Variants in RBFOX3 observed in about 807,000 individuals in gnomAD.
RBFOX3 encodes RNA binding fox-1 homolog 3.
RBFOX3 carries 17 observed loss-of-function variants against 48.7 expected under a neutral mutation model. That is an observed-to-expected ratio of 0.35 (90% CI 0.24 to 0.52). RBFOX3 has a LOEUF of 0.52. RBFOX3 is among the 20% of genes least tolerant of loss of function. RBFOX3 has a pLI of 0.94. For missense variants in RBFOX3, 382 were observed against 497.5 expected, an observed-to-expected ratio of 0.77 and a Z score of 2.21; for synonymous variants, 212 against 209.5, an observed-to-expected ratio of 1.01 and a Z score of -0.10.
rs1179514737 is a variant in RBFOX3 at position 79,362,389 on chromosome 17, G to A, written c.-174-54565C>T. The stretch of plus-strand genomic sequence containing the variant: ...GAGGCTGAGTGCAGCGTCTTTCAGA[G>A]CCAAACAGAGCCCCAGCTCTGAGGC... On this transcript the variant is annotated intron_variant, in intron 2 of 14. Transcript: ENST00000693108. This position sits in a 1 kb window ranked among gnomAD's most constrained non-coding sequence, Gnocchi z 4.2. 6.6e-6 allele frequency among the ~76,000 whole-genome samples: 1 copy of A among 151,860 alleles called. No individual in the cohort carries two copies. Among genetic ancestry groups the A allele is most frequent in the Non-Finnish European group, 1.5e-5 (1 of 67,998 alleles).
intron 4 of RBFOX3, among the ~76,000 whole-genome samples, chr17:79,142,205 C>G (rs948285127): frequency 1.3e-5 from 2 of 152,126 alleles, no homozygotes; most frequent in Admixed American, 6.5e-5. Context: ...ACAAAACTCC[C>G]TGTGTGCCTT....
rs56370699 is a variant in RBFOX3, at chr17:79,430,269, CAAATAAATAAAT to C, written c.-175+52173_-175+52184del. ...GAGTGAACCTGTCTAAAACATCTTC[CAAATAAATAAAT>C]AAATAAATAAATAAATAAATAAATA... On this transcript the variant is annotated intron_variant, in intron 2 of 14. Coordinates refer to ENST00000693108, the MANE Select transcript of RBFOX3 (RefSeq NM_001350451.2). Among the ~76,000 whole-genome samples, 463 of 144,016 alleles carry C rather than the reference CAAATAAATAAAT, an allele frequency of 3.2e-3. 1 individual carries two copies. Among genetic ancestry groups the C allele is most frequent in the African/African-American group, 0.011 (437 of 39,108 alleles). 94.5% of individuals were successfully genotyped at this position (144,016 alleles called of 152,430 possible). A position where few individuals can be genotyped will look rare whatever the true frequency, so the allele number is the denominator to read the frequency against.
chr17:79,183,721 G>A (rs1017304024), intron 4 of RBFOX3, among the ~76,000 whole-genome samples: 4 of 150,706 alleles, frequency 2.7e-5, no homozygotes, highest in African/African-American at 9.7e-5. Flanking sequence ...GTGCGCGCGT[G>A]TGCGCGCGTG....
At chr17:79,164,746 G>A (rs1485829200) in intron 4 of RBFOX3, among the ~76,000 whole-genome samples, 2 of 152,190 alleles carry the variant, frequency 1.3e-5, no homozygotes, top group African/African-American at 2.4e-5. Flanking sequence ...CCTCACCCGC[G>A]TGGTGGCTGC....
At chr17:79,288,895 C>A (rs945873392) in intron 3 of RBFOX3, among the ~76,000 whole-genome samples, 5 of 152,144 alleles carry the variant, frequency 3.3e-5, no homozygotes, top group African/African-American at 1.2e-4. Context: ...ATGAAAAGCA[C>A]AAGTTCTGAA....
chr17:79,620,535 A>G, the RBFOX3 span, among the ~76,000 whole-genome samples: 3 of 149,518 alleles, frequency 2.0e-5, no homozygotes, highest in Non-Finnish European at 4.4e-5. Flanking sequence ...ATACGCGCAC[A>G]TGCACACACG....
In RBFOX3 at chr17:79,106,733, G is replaced by T. The variant is rs1339077239; in HGVS notation, c.278C>A (p.Thr93Lys). 1 of 1,515,044 alleles carries T rather than the reference G, an allele frequency of 6.6e-7. No individual in the cohort carries two copies. Among genetic ancestry groups the T allele is most frequent in the South Asian group, 1.3e-5 (1 of 78,704 alleles). The allele number at this position is 1,515,044 out of a possible 1,614,324, so 93.9% of individuals were successfully genotyped here. A position where few individuals can be genotyped will look rare whatever the true frequency, so the allele number is the denominator to read the frequency against. ...TAGCCGCTTGGGCTGCTGCTTCTCT[G>T]TAGGGTCGGAGGGGTGGAGCGGCTG... is the stretch of plus-strand genomic sequence containing the variant. ...DSQPLHPSDP[T>K]EKQQPKRLHV... Residue 93 changes from threonine (T) to lysine (K), a missense_variant, in exon 6 of 15, where the codon ACA (threonine) becomes AAA (lysine). Physicochemically the swap from Thr to Lys is moderately conservative, Grantham distance 78 (BLOSUM62 -1). Coordinates refer to ENST00000693108, the MANE Select transcript of RBFOX3 (RefSeq NM_001350451.2).
At chr17:79,112,920 T>TGGGGGGGGGG (rs1568152586) in intron 5 of RBFOX3, among the ~76,000 whole-genome samples, 4 of 29,520 alleles carry the variant, frequency 1.4e-4, no homozygotes, top group African/African-American at 2.9e-4. Flanking sequence ...GGGGGTGGGC[T>TGGGGGGGGGG]GGGTAGGACT....
intron 2 of RBFOX3, among the ~76,000 whole-genome samples, chr17:79,424,334 G>A (rs1555724446): frequency 6.6e-6 from 1 of 152,176 alleles, no homozygotes; most frequent in East Asian, 1.9e-4. Context: ...ACCAGGGGAT[G>A]GACAAGGAAG....
At chr17:79,516,071 GAGAGAGC>G (rs2085211150) in intron 1 of RBFOX3, 43 of 152,366 alleles carry the variant, frequency 2.8e-4, no homozygotes, top group African/African-American at 9.1e-4. Context: ...GAGTCAGAGA[GAGAGAGC>G]AGAGAGTCCG....
rs1014353744 is a variant in RBFOX3, at chr17:79,572,721, C to T, written c.-320+38105G>A. ...TTTATGGCCTACAGCGGTTTGCAAA[C>T]GTGCGTGTTTCCCAAGGCTCATTGT... On this transcript the variant is annotated intron_variant, in intron 1 of 14. Transcript: ENST00000693108. 9.2e-4 allele frequency among the ~76,000 whole-genome samples: 140 copies of T among 152,308 alleles called. No individual in the cohort carries two copies. The South Asian group carries it at 0.024, about 26-fold the overall frequency.
At chr17:79,403,142 G>C (rs114372392) in intron 2 of RBFOX3, among the ~76,000 whole-genome samples, 1 of 152,144 alleles carries the variant, frequency 6.6e-6, no homozygotes, top group Non-Finnish European at 1.5e-5. Context: ...CCTCCCCCTC[G>C]CTGGGGCCCT....
chr17:79,306,509 C>A (rs2076124848), intron 3 of RBFOX3, among the ~76,000 whole-genome samples: 1 of 152,240 alleles, frequency 6.6e-6, no homozygotes, highest in Non-Finnish European at 1.5e-5. Context: ...GCTCCCTTCT[C>A]TTACTGTTTC....
chr17:79,198,800 T>G lies in RBFOX3; in HGVS notation c.-34+36966A>C, dbSNP rs1392025366. Among the ~76,000 whole-genome samples, 2 of 152,126 alleles carry G rather than the reference T, an allele frequency of 1.3e-5. No homozygotes were observed. The highest frequency in any genetic ancestry group is 4.8e-5 in the African/African-American group (2 of 41,416). On this transcript the variant is annotated intron_variant, in intron 4 of 14. Transcript: ENST00000693108. The surrounding 1 kb of genome is among the most constrained non-coding windows in gnomAD (Gnocchi z 8.2). ...GCCACCACACCCAGCTAATTTTTTT[T>G]GTACTTTTGGTAGAGATGGCGTTTC...
intron 4 of RBFOX3, among the ~76,000 whole-genome samples, chr17:79,194,125 C>T (rs1340858859): frequency 6.6e-6 from 1 of 152,214 alleles, no homozygotes; most frequent in African/African-American, 2.4e-5. Flanking sequence ...ATCATGAAGA[C>T]ACCAATGTTG....
chr17:79,381,452 G>C (rs534790157), intron 2 of RBFOX3, among the ~76,000 whole-genome samples: 1 of 152,280 alleles, frequency 6.6e-6, no homozygotes, highest in South Asian at 2.1e-4. Flanking sequence ...CACCTCTCTG[G>C]CTGCACTGTG....
chr17:79,280,021 T>C (rs1242296870), intron 3 of RBFOX3, among the ~76,000 whole-genome samples: 1 of 152,098 alleles, frequency 6.6e-6, no homozygotes, highest in African/African-American at 2.4e-5. Flanking sequence ...AAAAAAATCA[T>C]GTCACCATTA....
intron 2 of RBFOX3, among the ~76,000 whole-genome samples, chr17:79,453,483 G>A (rs1555742913): frequency 2.0e-5 from 3 of 152,206 alleles, no homozygotes; most frequent in African/African-American, 7.2e-5. Flanking sequence ...GGTGGTGGAA[G>A]GGAAGCTGGT....
rs2060768366 is a variant in RBFOX3 at position 79,387,811 on chromosome 17, CA to C, written c.-174-79988del. 3.9e-5 allele frequency among the ~76,000 whole-genome samples: 6 copies of C among 152,382 alleles called. No individual in the cohort carries two copies. The South Asian group carries it at 1.0e-3, about 26-fold the overall frequency. Reference sequence around the variant, plus strand: ...TTCAAGGGAAGAGCCCACTCCTTCCCAACCCATACCCCAAGAGCAGGACCAG... The same window carrying C: ...TTCAAGGGAAGAGCCCACTCCTTCCCACCCATACCCCAAGAGCAGGACCAG... On this transcript the variant is annotated intron_variant, in intron 2 of 14. Coordinates refer to ENST00000693108, the MANE Select transcript of RBFOX3 (RefSeq NM_001350451.2).
Sources: allele counts gnomAD v4.1 joint callset (sites outside exome capture counted in the v4.1 genomes callset), GRCh38; gene constraint gnomAD v4.1.1; non-coding constraint Gnocchi (gnomAD v3.1); transcripts MANE v1.5; gene names NCBI Gene and HGNC (gene_info 2026-07-23, HGNC 2026-07-21).